SCFD2: variants seen among roughly 807,000 people sequenced by gnomAD.
SCFD2 encodes the protein sec1 family domain containing 2.
SCFD2 carries 54 observed loss-of-function variants against 58.9 expected under a neutral mutation model. The observed-to-expected ratio is 0.92, with a 90% CI of 0.74 to 1.15. The LOEUF (loss-of-function observed/expected upper bound fraction) is 1.15, where lower values mean the gene tolerates loss of function less well. Ranked by LOEUF, SCFD2 falls within the 50% of genes most tolerant of loss-of-function variation. SCFD2 has a pLI of 0.00. For missense variants in SCFD2, 805 were observed against 836.6 expected (o/e 0.96, Z 0.47); for synonymous variants, 321 against 335.9 (o/e 0.96, Z 0.49).
intron 6 of SCFD2, among the ~76,000 whole-genome samples, chr4:52,919,326 C>T (rs966360925): frequency 2.0e-5 from 3 of 152,178 alleles, no homozygotes; most frequent in Middle Eastern, 3.2e-3. Flanking sequence ...CTAGTTCTAG[C>T]ATGTCTTTTG....
intron 4 of SCFD2, among the ~76,000 whole-genome samples, chr4:53,179,932 A>G (rs536653099): frequency 7.9e-5 from 12 of 152,250 alleles, no homozygotes; most frequent in Non-Finnish European, 1.3e-4. Flanking sequence ...AAAGGGATCA[A>G]TTCAACAAGA....
At chr4:53,022,533 G>A (rs1722374048) in intron 5 of SCFD2, among the ~76,000 whole-genome samples, 1 of 152,190 alleles carries the variant, frequency 6.6e-6, no homozygotes, top group Non-Finnish European at 1.5e-5. Flanking sequence ...GTCAGAAAAT[G>A]AAGGGAAAAT....
chr4:53,108,872 C>T (rs1356197437), intron 5 of SCFD2, among the ~76,000 whole-genome samples: 1 of 152,124 alleles, frequency 6.6e-6, no homozygotes, highest in African/African-American at 2.4e-5. Flanking sequence ...TTGATGAGGC[C>T]AGCATCATCC....
intron 5 of SCFD2, among the ~76,000 whole-genome samples, chr4:53,053,287 CA>C (rs1277759851): frequency 1.3e-5 from 2 of 151,882 alleles, no homozygotes; most frequent in African/African-American, 4.8e-5. Context: ...TGGTTACCTC[CA>C]GGGGGACTGA....
At chr4:52,877,113 G>A (rs889247435) in intron 8 of SCFD2, among the ~76,000 whole-genome samples, 2 of 152,194 alleles carry the variant, frequency 1.3e-5, no homozygotes, top group Non-Finnish European at 2.9e-5. Context: ...AGCAATAACT[G>A]AGCCCAAAGA....
chr4:53,230,336 G>A (rs927088263), intron 4 of SCFD2, among the ~76,000 whole-genome samples: 20 of 152,022 alleles, frequency 1.3e-4, no homozygotes, highest in Admixed American at 5.2e-4. Context: ...TGTTTATTGC[G>A]GCACTATTCA....
At chr4:53,198,883 T>C (rs1728141638) in intron 4 of SCFD2, among the ~76,000 whole-genome samples, 1 of 152,124 alleles carries the variant, frequency 6.6e-6, no homozygotes, top group Non-Finnish European at 1.5e-5. Flanking sequence ...ACAGCATACA[T>C]TTGAGTTGCC....
intron 4 of SCFD2, among the ~76,000 whole-genome samples, chr4:53,158,491 A>G (rs1726756984): frequency 6.6e-6 from 1 of 152,144 alleles, no homozygotes; most frequent in Non-Finnish European, 1.5e-5. Context: ...CTTCCAGTTG[A>G]CCAAGTCAGA....
At chr4:53,249,771 G>C (rs567706235) in intron 4 of SCFD2, among the ~76,000 whole-genome samples, 1 of 152,112 alleles carries the variant, frequency 6.6e-6, no homozygotes, top group African/African-American at 2.4e-5. Context: ...GTCACCACCA[G>C]GCCTGCCCTA....
At position 53,344,736 on chromosome 4, in the gene SCFD2, T is replaced by A. The variant is rs1734002501; in HGVS notation, c.1007+7862A>T. ...TAGAGTAACCAAAACAGCATGGTACTGGTACCAAAACAGATATATAGACCA... is the reference window on the plus strand; with the variant it reads ...TAGAGTAACCAAAACAGCATGGTACAGGTACCAAAACAGATATATAGACCA... On this transcript the variant is annotated intron_variant, in intron 2 of 8. Coordinates refer to ENST00000401642, the MANE Select transcript of SCFD2 (RefSeq NM_152540.4). 2.0e-5 allele frequency among the ~76,000 whole-genome samples: 3 copies of A among 152,320 alleles called. No individual in the cohort carries two copies. In the South Asian group the frequency reaches 6.2e-4, roughly 32 times the overall value.
At chr4:52,877,908 GC>G (rs1471351732) in intron 8 of SCFD2, among the ~76,000 whole-genome samples, 2 of 152,134 alleles carry the variant, frequency 1.3e-5, no homozygotes, top group African/African-American at 2.4e-5. Flanking sequence ...TCCACATCCG[GC>G]CCTTGCCTCC....
intron 5 of SCFD2, among the ~76,000 whole-genome samples, chr4:53,115,665 T>G (rs991144175): frequency 3.9e-5 from 6 of 152,186 alleles, no homozygotes; most frequent in Non-Finnish European, 8.8e-5. Flanking sequence ...CTTTTACTTT[T>G]ATTACTGACA....
chr4:53,121,087 G>T (rs1461401050), intron 5 of SCFD2, among the ~76,000 whole-genome samples: 2 of 151,082 alleles, frequency 1.3e-5, no homozygotes, highest in Non-Finnish European at 3.0e-5. Flanking sequence ...TGGATCTTGA[G>T]TTCCTGTTTA....
intron 5 of SCFD2, among the ~76,000 whole-genome samples, chr4:53,009,576 A>T (rs1234519088): frequency 6.6e-6 from 1 of 152,196 alleles, no homozygotes; most frequent in East Asian, 1.9e-4. Flanking sequence ...ACTGGAGTCA[A>T]AGTCTTCACA....
intron 2 of SCFD2, among the ~76,000 whole-genome samples, chr4:53,319,129 T>C (rs2149117260): frequency 6.6e-6 from 1 of 152,348 alleles, no homozygotes; most frequent in South Asian, 2.1e-4. Flanking sequence ...TTCAAATCCA[T>C]AATATCCTTT....
At chr4:52,968,429 G>A (rs574810820) in intron 5 of SCFD2, among the ~76,000 whole-genome samples, 1 of 152,332 alleles carries the variant, frequency 6.6e-6, no homozygotes, top group Admixed American at 6.5e-5. Flanking sequence ...TCATGGCTGG[G>A]CTTTGTTTAT....
chr4:53,293,334 A>G (rs1731908170), intron 3 of SCFD2, among the ~76,000 whole-genome samples: 1 of 151,976 alleles, frequency 6.6e-6, no homozygotes, highest in African/African-American at 2.4e-5. Flanking sequence ...AAAGAACATC[A>G]AGAAAAATAG....
chr4:53,296,290 T>C (rs773313823), intron 3 of SCFD2, among the ~76,000 whole-genome samples: 1 of 152,208 alleles, frequency 6.6e-6, no homozygotes, highest in Non-Finnish European at 1.5e-5. Flanking sequence ...GTTGGTAGGC[T>C]ATTAATTGCT....
intron 5 of SCFD2, among the ~76,000 whole-genome samples, chr4:53,112,634 G>C (rs1725205868): frequency 6.6e-6 from 1 of 152,110 alleles, no homozygotes. Context: ...TTTAGAACCA[G>C]GCTCAGGTTT....
Sources: allele counts gnomAD v4.1 joint callset (sites outside exome capture counted in the v4.1 genomes callset), GRCh38; gene constraint gnomAD v4.1.1; transcripts MANE v1.5; gene names NCBI Gene and HGNC (gene_info 2026-07-23, HGNC 2026-07-21).